OPCML: variants seen among roughly 807,000 people sequenced by gnomAD.
OPCML encodes the protein opioid binding protein/cell adhesion molecule like.
A neutral mutation model predicts 37.8 loss-of-function variants in OPCML; 13 were observed. That is an observed-to-expected ratio of 0.34 (90% CI 0.22 to 0.55). OPCML has a LOEUF of 0.55. OPCML is among the 20% of genes least tolerant of loss of function. The pLI is 0.91. For missense variants in OPCML, 341 were observed against 435.6 expected, an observed-to-expected ratio of 0.78 and a Z score of 1.93; for synonymous variants, 176 against 168.8, an observed-to-expected ratio of 1.04 and a Z score of -0.33.
chr11:133,095,287 T>TTG (rs1565444676), intron 1 of OPCML, among the ~76,000 whole-genome samples: 1 of 144,148 alleles, frequency 6.9e-6, no homozygotes, highest in East Asian at 2.1e-4. Context: ...GTTTTTTTTT[T>TTG]TTTTTTTTTT....
intron 1 of OPCML, among the ~76,000 whole-genome samples, chr11:133,341,275 A>G (rs1197840195): frequency 6.6e-6 from 1 of 152,246 alleles, no homozygotes; most frequent in Non-Finnish European, 1.5e-5. Flanking sequence ...CCAGTTCAAT[A>G]TTAGCAAACT....
chr11:132,618,413 G>C (rs1309560047), intron 3 of OPCML, among the ~76,000 whole-genome samples: 1 of 152,136 alleles, frequency 6.6e-6, no homozygotes, highest in Non-Finnish European at 1.5e-5. Context: ...TCTGGAAGGA[G>C]ACTCACTTGA....
chr11:132,579,843 A>C (rs961259565), intron 3 of OPCML, among the ~76,000 whole-genome samples: 1 of 152,172 alleles, frequency 6.6e-6, no homozygotes. Context: ...CTGTTATATC[A>C]AAGGGAGATT....
intron 2 of OPCML, among the ~76,000 whole-genome samples, chr11:132,696,254 A>G (rs1002677724): frequency 1.3e-5 from 2 of 152,208 alleles, no homozygotes; most frequent in Non-Finnish European, 2.9e-5. Context: ...ATGCTTTAGC[A>G]TTTATGGGAG....
rs1362160009 is a variant in OPCML at position 133,201,527 on chromosome 11, ATAAG to A, written c.62-258521_62-258518del. Among the ~76,000 whole-genome samples the A allele has an allele frequency of 3.3e-5, 5 of 152,300 alleles. No homozygotes were observed. In the East Asian group the frequency reaches 9.7e-4, roughly 29 times the overall value. ...GAGCCATATCTCATCCCAGTTTATC[ATAAG>A]TAAGTAGGTAAGTGGCATGAGAGCA... On this transcript the variant is annotated intron_variant, in intron 1 of 7. Coordinates refer to ENST00000524381, the MANE Select transcript of OPCML (RefSeq NM_001012393.5).
chr11:133,452,198 A>T lies in OPCML; in HGVS notation c.61+80066T>A, dbSNP rs931990212. 7.3e-5 allele frequency among the ~76,000 whole-genome samples: 11 copies of T among 151,670 alleles called. No homozygotes were observed. In the East Asian group the frequency reaches 7.7e-4, roughly 11 times the overall value. On this transcript the variant is annotated intron_variant, in intron 1 of 7. Transcript: ENST00000524381. ...ACAACTCAGATGATGGAATCAGTAG[A>T]CAAGTATTTTAATAGTAGTTATTAT... is the stretch of plus-strand genomic sequence containing the variant.
At position 132,684,406 on chromosome 11, in the gene OPCML, T is replaced by C. The variant is rs114237455; in HGVS notation, c.147-27087A>G. 3.0e-3 allele frequency among the ~76,000 whole-genome samples: 459 copies of C among 152,294 alleles called. 3 individuals are homozygous for C. The highest frequency in any genetic ancestry group is 0.011 in the African/African-American group (442 of 41,574). On this transcript the variant is annotated intron_variant, in intron 2 of 7. Coordinates refer to ENST00000524381, the MANE Select transcript of OPCML (RefSeq NM_001012393.5). Reference sequence around the variant, plus strand: ...GCTAGTTTTGCTATAAAACTCATGCTTCACCCCTAATTCATATTACATCAT... The same window carrying C: ...GCTAGTTTTGCTATAAAACTCATGCCTCACCCCTAATTCATATTACATCAT...
chr11:133,274,351 G>A (rs57608529), intron 1 of OPCML, among the ~76,000 whole-genome samples: 8,359 of 152,140 alleles, frequency 0.055, 256 homozygotes, highest in Middle Eastern at 0.082. Flanking sequence ...AATATGGCTC[G>A]TAAGAAAAGG....
At position 132,975,529 on chromosome 11, in the gene OPCML, C is replaced by CAAAAAAAAAAAAAAAAAA. The variant is rs56882175; in HGVS notation, c.62-32537_62-32520dup. ...CTGGATGTCCCATCCAGGTTTCAAG[C>CAAAAAAAAAAAAAAAAAA]AAAAAAAAAAAAAAAAAAAAAAAAA... On this transcript the variant is annotated intron_variant, in intron 1 of 7. Coordinates refer to ENST00000524381, the MANE Select transcript of OPCML (RefSeq NM_001012393.5). 9.3e-5 allele frequency among the ~76,000 whole-genome samples: 4 copies of CAAAAAAAAAAAAAAAAAA among 42,800 alleles called. 1 individual carries two copies. The highest frequency in any genetic ancestry group is 1.1e-3 in the South Asian group (1 of 934). The allele number at this position is 42,800 out of a possible 152,430, so 28.1% of individuals were successfully genotyped here. A position where few individuals can be genotyped will look rare whatever the true frequency, so the allele number is the denominator to read the frequency against.
At chr11:133,514,985 A>C (rs917396191) in intron 1 of OPCML, among the ~76,000 whole-genome samples, 6 of 152,154 alleles carry the variant, frequency 3.9e-5, no homozygotes, top group African/African-American at 4.8e-5. Context: ...GAACAACCCT[A>C]CTATTATACC....
intron 1 of OPCML, among the ~76,000 whole-genome samples, chr11:133,464,983 G>A: frequency 6.6e-6 from 1 of 152,132 alleles, no homozygotes; most frequent in Non-Finnish European, 1.5e-5. Context: ...AGTAAAGGCT[G>A]GGACACTAGA....
chr11:132,796,651 G>A (rs915014420), intron 2 of OPCML, among the ~76,000 whole-genome samples: 10 of 136,536 alleles, frequency 7.3e-5, no homozygotes, highest in Non-Finnish European at 9.1e-5. Context: ...TCGGCTCACT[G>A]CAAGCTCCGC....
At chr11:133,044,561 C>T (rs1376005639) in intron 1 of OPCML, among the ~76,000 whole-genome samples, 2 of 152,176 alleles carry the variant, frequency 1.3e-5, no homozygotes, top group Admixed American at 6.5e-5. Context: ...TAAGAAGAAG[C>T]CGTATTTATT....
At chr11:132,503,673 T>C (rs773584863) in intron 4 of OPCML, among the ~76,000 whole-genome samples, 4 of 152,070 alleles carry the variant, frequency 2.6e-5, no homozygotes, top group African/African-American at 4.8e-5. Context: ...TTATAACTAG[T>C]ACAAAAACCA....
chr11:133,045,463 A>G (rs1405561631), intron 1 of OPCML, among the ~76,000 whole-genome samples: 1 of 152,172 alleles, frequency 6.6e-6, no homozygotes, highest in Non-Finnish European at 1.5e-5. Flanking sequence ...TGGCTTCTGG[A>G]CAGAGCTCTG....
chr11:132,690,918 G>T (rs1027224832), intron 2 of OPCML, among the ~76,000 whole-genome samples: 6 of 152,190 alleles, frequency 3.9e-5, no homozygotes, highest in Non-Finnish European at 8.8e-5. Context: ...ATAGAAAAGT[G>T]CAATTGTATA....
At chr11:132,757,911 T>A (rs1184860953) in intron 2 of OPCML, among the ~76,000 whole-genome samples, 1 of 152,218 alleles carries the variant, frequency 6.6e-6, no homozygotes, top group Non-Finnish European at 1.5e-5. Context: ...GTTTTTCTTC[T>A]AGGTTTTTTT....
chr11:133,253,145 C>CAAAAA (rs549441502), intron 1 of OPCML, among the ~76,000 whole-genome samples: 1 of 99,218 alleles, frequency 1.0e-5, no homozygotes, highest in African/African-American at 3.6e-5. Flanking sequence ...GACTCTGTCT[C>CAAAAA]AAAAAAAAAA....
At chr11:133,515,623 G>C (rs569471189) in intron 1 of OPCML, among the ~76,000 whole-genome samples, 5 of 152,048 alleles carry the variant, frequency 3.3e-5, no homozygotes, top group Admixed American at 6.6e-5. Context: ...CAGTGACTAC[G>C]CCCCAGATAA....
Sources: allele counts gnomAD v4.1 joint callset (sites outside exome capture counted in the v4.1 genomes callset), GRCh38; gene constraint gnomAD v4.1.1; transcripts MANE v1.5; gene names NCBI Gene and HGNC (gene_info 2026-07-23, HGNC 2026-07-21).